EXT1: variants seen among roughly 807,000 people sequenced by gnomAD.
EXT1 encodes the protein exostosin glycosyltransferase 1, also known as exostosin-1.
In EXT1, 20 loss-of-function variants were observed where a neutral mutation model predicts 82.5. The ratio of observed to expected loss-of-function variants is 0.24; its 90% confidence interval spans 0.17 to 0.35. The LOEUF is 0.35. Ranked by LOEUF, EXT1 falls within the 10% of genes least tolerant of loss-of-function variation. EXT1 has a pLI of 1.00. For synonymous variants in EXT1, 348 were observed against 350.8 expected (o/e 0.99, Z 0.09); for missense variants, 757 against 936.5 (o/e 0.81, Z 2.50).
chr8:117,879,965 G>T (rs1382951782), intron 1 of EXT1, among the ~76,000 whole-genome samples: 1 of 152,084 alleles, frequency 6.6e-6, no homozygotes, highest in Non-Finnish European at 1.5e-5. Flanking sequence ...AACATTAGGG[G>T]GAAATAATGA....
chr8:117,832,696 G>A (rs758856797), intron 3 of EXT1, among the ~76,000 whole-genome samples: 1 of 152,106 alleles, frequency 6.6e-6, no homozygotes, highest in Non-Finnish European at 1.5e-5. Flanking sequence ...ACTACATCAA[G>A]TGCAATGTAT....
intron 1 of EXT1, among the ~76,000 whole-genome samples, chr8:117,859,785 T>C (rs930510066): frequency 3.3e-5 from 5 of 152,282 alleles, no homozygotes; most frequent in Admixed American, 6.5e-5. Flanking sequence ...CAATGGATGA[T>C]TGGATTAAAT....
At chr8:117,830,180 G>C (rs756936106) in intron 4 of EXT1, 50 bp downstream of exon 4, 6 of 1,611,282 alleles carry the variant, frequency 3.7e-6, no homozygotes, top group Non-Finnish European at 5.1e-6. Flanking sequence ...GCTGAGAGAA[G>C]TGTATAAAGG....
At chr8:118,051,710 G>A (rs545692339) in intron 1 of EXT1, among the ~76,000 whole-genome samples, 6 of 152,270 alleles carry the variant, frequency 3.9e-5, no homozygotes, top group African/African-American at 1.4e-4. Context: ...TTCCAAACAC[G>A]GAGTGCTGGT....
intron 1 of EXT1, among the ~76,000 whole-genome samples, chr8:117,928,409 A>G (rs1424569257): frequency 6.6e-6 from 1 of 152,234 alleles, no homozygotes; most frequent in Non-Finnish European, 1.5e-5. Context: ...GAGCAAATAC[A>G]AAAGGTAATA....
intron 1 of EXT1, among the ~76,000 whole-genome samples, chr8:117,986,291 G>A (rs149138361): frequency 0.019 from 2,914 of 151,782 alleles, 36 homozygotes; most frequent in Middle Eastern, 0.031. Context: ...CTGGGTTCAA[G>A]CGATTCTCCT....
chr8:117,899,526 G>T (rs1469016133), intron 1 of EXT1, among the ~76,000 whole-genome samples: 12 of 152,202 alleles, frequency 7.9e-5, no homozygotes, highest in Non-Finnish European at 1.3e-4. Context: ...GCTTGCTAAC[G>T]TGTTCACAGG....
chr8:118,108,123 C>A (rs534379541), intron 1 of EXT1, among the ~76,000 whole-genome samples: 13 of 152,312 alleles, frequency 8.5e-5, no homozygotes, highest in Non-Finnish European at 1.8e-4. Flanking sequence ...AAACCAACCC[C>A]TCCCTTCATT....
At chr8:118,073,699 GAA>G (rs776966986) in intron 1 of EXT1, among the ~76,000 whole-genome samples, 8,491 of 113,422 alleles carry the variant, frequency 0.075, 424 homozygotes, top group East Asian at 0.13. Flanking sequence ...GAAGAGAAGA[GAA>G]GAGAAGCCTC....
At chr8:118,018,716 T>C (rs968766715) in intron 1 of EXT1, among the ~76,000 whole-genome samples, 3 of 152,232 alleles carry the variant, frequency 2.0e-5, no homozygotes, top group African/African-American at 4.8e-5. Context: ...CTTGGATGTT[T>C]GATTTACAAC....
At chr8:117,939,788 C>A (rs553519025) in intron 1 of EXT1, among the ~76,000 whole-genome samples, 2 of 152,266 alleles carry the variant, frequency 1.3e-5, no homozygotes, top group South Asian at 4.1e-4. Context: ...GTGCATACAT[C>A]TGTCTCAATC....
At chr8:117,880,217 C>A (rs976067169) in intron 1 of EXT1, among the ~76,000 whole-genome samples, 3 of 151,088 alleles carry the variant, frequency 2.0e-5, no homozygotes, top group Non-Finnish European at 4.4e-5. Flanking sequence ...CTTACCAGTT[C>A]TAGATTCATT....
rs141166570 is a variant in EXT1, at chr8:117,887,840, C to G, written c.963-50639G>C. ...GTGACTCACGCCTGTAATCCCAGCA[C>G]TTTGGGAGTCTGAGGCGGGCGTATC... On this transcript the variant is annotated intron_variant, in intron 1 of 10. Coordinates refer to ENST00000378204, the MANE Select transcript of EXT1 (RefSeq NM_000127.3). Among the ~76,000 whole-genome samples, 990 of 151,906 alleles carry G rather than the reference C, an allele frequency of 6.5e-3. 16 individuals carry two copies. Among genetic ancestry groups the G allele is most frequent in the African/African-American group, 0.023 (945 of 41,416 alleles).
intron 1 of EXT1, among the ~76,000 whole-genome samples, chr8:118,050,357 A>G (rs7017817): frequency 0.011 from 1,705 of 152,304 alleles, 20 homozygotes; most frequent in East Asian, 0.062. Context: ...TCCTCACCCA[A>G]ACCTTCTAAG....
chr8:118,014,625 A>C (rs1049772006), intron 1 of EXT1, among the ~76,000 whole-genome samples: 1 of 152,160 alleles, frequency 6.6e-6, no homozygotes, highest in Non-Finnish European at 1.5e-5. Context: ...ATTTAAATAG[A>C]GATGGAGTCT....
intron 1 of EXT1, among the ~76,000 whole-genome samples, chr8:118,057,127 C>T (rs561112308): frequency 6.6e-6 from 1 of 152,348 alleles, no homozygotes; most frequent in South Asian, 2.1e-4. Context: ...TCCTAACCCT[C>T]ATCACATAAT....
chr8:118,014,269 A>G (rs970154377), intron 1 of EXT1, among the ~76,000 whole-genome samples: 1 of 151,926 alleles, frequency 6.6e-6, no homozygotes, highest in Non-Finnish European at 1.5e-5. Context: ...CCTTCCTCCC[A>G]TGGATTTCTG....
chr8:118,107,146 A>G (rs993513295), intron 1 of EXT1, among the ~76,000 whole-genome samples: 14 of 152,090 alleles, frequency 9.2e-5, no homozygotes, highest in Non-Finnish European at 1.6e-4. Context: ...TAGTTGAAAC[A>G]TTTGTATATA....
rs557053200 is a variant in EXT1, at chr8:118,048,436, G to T, written c.962+61649C>A. ...GTCCTATGCCAGATAGGTCTCTAAG[G>T]TATCACCTGTTTATTTGTTGTTGTT... On this transcript the variant is annotated intron_variant, in intron 1 of 10. Transcript: ENST00000378204. Among the ~76,000 whole-genome samples, 4 of 152,196 alleles carry T rather than the reference G, an allele frequency of 2.6e-5. No individual in the cohort carries two copies. The East Asian group carries it at 5.8e-4, about 22-fold the overall frequency.
Sources: allele counts gnomAD v4.1 joint callset (sites outside exome capture counted in the v4.1 genomes callset), GRCh38; gene constraint gnomAD v4.1.1; transcripts MANE v1.5; gene names NCBI Gene and HGNC (gene_info 2026-07-23, HGNC 2026-07-21).